Variants in IFT74 observed in about 807,000 individuals in gnomAD.
IFT74 encodes intraflagellar transport protein 74 homolog.
A neutral mutation model predicts 96.7 loss-of-function variants in IFT74; 92 were observed. That is an observed-to-expected ratio of 0.95 (90% CI 0.80 to 1.13). The LOEUF (loss-of-function observed/expected upper bound fraction) is 1.13. IFT74 is among the 50% of genes most tolerant of loss of function. The pLI, the probability that IFT74 is intolerant of heterozygous loss-of-function variation, is 0.00. For missense variants in IFT74, 811 were observed against 698.2 expected, an observed-to-expected ratio of 1.16 and a Z score of -1.82; for synonymous variants, 223 against 213.2, an observed-to-expected ratio of 1.05 and a Z score of -0.40.
At chr9:27,056,798 C>T (rs1820178899) in intron 18 of IFT74, among the ~76,000 whole-genome samples, 1 of 151,080 alleles carries the variant, frequency 6.6e-6, no homozygotes, top group South Asian at 2.1e-4. Context: ...ATGATTAGTA[C>T]CCCACCACCC....
Position 27,029,094 on chromosome 9 carries a change from G to C in IFT74, c.1044G>C (p.Glu348Asp). Residue 348 changes from glutamate to aspartate, a missense_variant, in exon 13 of 20, where the codon GAG (glutamate) becomes GAC (aspartate). Coordinates refer to ENST00000380062, the MANE Select transcript of IFT74 (RefSeq NM_025103.4). ...TTAGACAACTTGACATGGATTTAGA[G>C]GAACACCAAGGTATGCTTCTGGTAT... is the stretch of plus-strand genomic sequence containing the variant. ...EEIRQLDMDL[E>D]EHQGEMNQKY... is the part of the protein sequence containing the mutation. 1 of 1,598,716 alleles carries C rather than the reference G, an allele frequency of 6.3e-7. No individual in the cohort carries two copies.
At chr9:27,031,421 C>G (rs866779550) in intron 13 of IFT74, among the ~76,000 whole-genome samples, 5 of 151,720 alleles carry the variant, frequency 3.3e-5, no homozygotes, top group South Asian at 2.1e-4. Context: ...GAGCCAAGAT[C>G]GCGCCTCTAT....
chr9:26,978,138 G>T lies in IFT74; in HGVS notation c.131G>T (p.Gly44Val), dbSNP rs371004615. 19 of 1,595,074 alleles carry T rather than the reference G, an allele frequency of 1.2e-5. No homozygotes were observed. The African/African-American group carries it at 2.6e-4, about 22-fold the overall frequency. Residue 44 changes from glycine (G) to valine (V), a missense_variant, in exon 3 of 20, where the codon GGG (glycine) becomes GTG (valine). Physicochemically the swap from Gly to Val is moderately radical, Grantham distance 109 (BLOSUM62 -3). Transcript: ENST00000380062. Reference protein sequence around the residue: ...NIRVATAMPPGTARPGSRGCP... With the variant: ...NIRVATAMPPVTARPGSRGCP... ...TTGTTTGTCATTTAGATGCCACCTG[G>T]GACAGCAAGACCAGGTTCTCGTGGT...
At chr9:27,019,539 A>T (rs911320302) in intron 12 of IFT74, among the ~76,000 whole-genome samples, 3 of 151,682 alleles carry the variant, frequency 2.0e-5, no homozygotes, top group Non-Finnish European at 2.9e-5. Flanking sequence ...CAAATGGAAT[A>T]TTATTTGGAA....
At chr9:26,991,000 A>G (rs1046833885) in intron 8 of IFT74, among the ~76,000 whole-genome samples, 3 of 152,248 alleles carry the variant, frequency 2.0e-5, no homozygotes, top group Admixed American at 1.3e-4. Flanking sequence ...CACACATACA[A>G]GCACATTCTC....
At position 26,978,222 on chromosome 9, in the gene IFT74, TA is replaced by T; in HGVS notation, c.217del (p.Thr73HisfsTer5). On this transcript the variant is annotated frameshift_variant, in exon 3 of 20. Transcript: ENST00000380062. LOFTEE classifies it high-confidence loss of function. Reference protein sequence around the residue: ...SSQIKVAHRPVTQQGLTGMKT... With the variant: ...SSQIKVAHRPXTQQGLTGMKT... Reference sequence around the variant, plus strand: ...CAAATCAAAGTTGCCCATCGCCCTGTAACACAACAAGGTTTGACTGGAATGA... The same window carrying T: ...CAAATCAAAGTTGCCCATCGCCCTGTACACAACAAGGTTTGACTGGAATGA... The T allele has an allele frequency of 6.2e-7, 1 of 1,613,576 alleles. No homozygotes were observed. The highest frequency in any genetic ancestry group is 8.5e-7 in the Non-Finnish European group (1 of 1,179,886).
At chr9:26,974,099 A>C (rs7857695) in intron 2 of IFT74, among the ~76,000 whole-genome samples, 1,938 of 152,088 alleles carry the variant, frequency 0.013, 38 homozygotes, top group African/African-American at 0.045. Context: ...CAGATCCTCT[A>C]ATTGGAGGCT....
chr9:26,996,213 T>G (rs552437678), intron 8 of IFT74: 1 of 786,648 alleles, frequency 1.3e-6, no homozygotes, highest in Admixed American at 3.5e-5. Context: ...GGAATCTTTC[T>G]TTTACATTTT....
chr9:26,980,017 G>A (rs796788601), intron 3 of IFT74, among the ~76,000 whole-genome samples: 7 of 152,014 alleles, frequency 4.6e-5, no homozygotes, highest in African/African-American at 1.7e-4. Context: ...GCCCGGCCAG[G>A]AATACTTTCT....
At chr9:26,969,328 ATCT>A (rs1826776491) in intron 2 of IFT74, among the ~76,000 whole-genome samples, 2 of 151,822 alleles carry the variant, frequency 1.3e-5, no homozygotes, top group East Asian at 1.9e-4. Flanking sequence ...TTATGTAATT[ATCT>A]TCTTGTCTTT....
At chr9:26,949,618 A>G (rs980887439) in intron 1 of IFT74, among the ~76,000 whole-genome samples, 2 of 152,184 alleles carry the variant, frequency 1.3e-5, no homozygotes, top group African/African-American at 4.8e-5. Context: ...ACTGAGAACT[A>G]CAAATGTTGC....
chr9:27,062,546 G>A, intron 19 of IFT74, 72 bp from the exon 20 acceptor site: 1 of 774,258 alleles, frequency 1.3e-6, no homozygotes, highest in African/African-American at 1.8e-5. Flanking sequence ...AAAAATGTCA[G>A]TATTTAGTTC....
chr9:27,018,691 A>G lies in IFT74; in HGVS notation c.974+4A>G. 1.8e-5 allele frequency: 27 copies of G among 1,526,764 alleles called. No homozygotes were observed. Among genetic ancestry groups the G allele is most frequent in the Non-Finnish European group, 2.4e-5 (27 of 1,111,050 alleles). 94.6% of individuals were successfully genotyped at this position (1,526,764 alleles called of 1,614,324 possible). ...AAATAGCCAGCATGGAAAGACAGTAAGTATCTTTATACTAGGACATTTTAC... is the reference window on the plus strand; with the variant it reads ...AAATAGCCAGCATGGAAAGACAGTAGGTATCTTTATACTAGGACATTTTAC... On this transcript the variant is annotated splice_donor_region_variant and intron_variant, in intron 12 of 19. Coordinates refer to ENST00000380062, the MANE Select transcript of IFT74 (RefSeq NM_025103.4).
chr9:27,043,147 T>C (rs1271728767), intron 13 of IFT74, among the ~76,000 whole-genome samples: 1 of 152,202 alleles, frequency 6.6e-6, no homozygotes, highest in Non-Finnish European at 1.5e-5. Context: ...GGGTTTCCTA[T>C]TGGTGCTGGG....
chr9:26,984,782 G>A (rs1301725569), intron 6 of IFT74, among the ~76,000 whole-genome samples: 1 of 152,150 alleles, frequency 6.6e-6, no homozygotes, highest in East Asian at 1.9e-4. Flanking sequence ...AGTTAGAATG[G>A]CTGTTACTAA....
chr9:27,052,905 C>G (rs1468571037), intron 16 of IFT74, among the ~76,000 whole-genome samples: 2 of 152,068 alleles, frequency 1.3e-5, no homozygotes. Context: ...CACTGTCGCC[C>G]AGGCTGGAGT....
At chr9:26,996,253 C>T in intron 8 of IFT74, 2 of 958,750 alleles carry the variant, frequency 2.1e-6, no homozygotes, top group Middle Eastern at 3.5e-4. Context: ...AGATAACTAC[C>T]TCAGTTTATT....
At chr9:27,060,803 C>T (rs1004175031) in intron 19 of IFT74, 152 bp downstream of exon 19, 2 of 461,082 alleles carry the variant, frequency 4.3e-6, no homozygotes, top group Non-Finnish European at 7.9e-6. Context: ...CTAAAAAATA[C>T]AAAAAAAACA....
Position 27,047,381 on chromosome 9 carries a change from A to G in IFT74, c.1206+10A>G, listed in dbSNP as rs1587411710. The stretch of plus-strand genomic sequence containing the variant: ...GGAGCACTGCAGTCGAGTGAGTACC[A>G]TGTGCCTGTCTTGGTGTCCTCTTTA... On this transcript the variant is annotated intron_variant, in intron 15 of 19. Transcript: ENST00000380062. 2 of 1,550,280 alleles carry G rather than the reference A, an allele frequency of 1.3e-6. No individual in the cohort carries two copies. Among genetic ancestry groups the G allele is most frequent in the East Asian group, 2.3e-5 (1 of 43,716 alleles).
Sources: gnomAD v4.1 joint callset for allele counts (sites outside exome capture counted in the v4.1 genomes callset) on GRCh38, gnomAD v4.1.1 for gene constraint, MANE v1.5 for transcripts, NCBI Gene and HGNC (gene_info 2026-07-23, HGNC 2026-07-21) for gene names.